The following VSX1 variants were observed in gnomAD, a reference collection of about 807,000 sequenced individuals.
The protein encoded by VSX1 is visual system homeobox 1, also known as homeodomain protein RINX.
Under a neutral mutation model 23.6 loss-of-function variants are expected in VSX1, and 23 were observed. The ratio of observed to expected loss-of-function variants is 0.97; its 90% confidence interval spans 0.70 to 1.38. VSX1 has a LOEUF of 1.38. Ranked by LOEUF, VSX1 falls within the 40% of genes most tolerant of loss-of-function variation. The pLI, the probability that VSX1 is intolerant of heterozygous loss-of-function variation, is 0.00. For missense variants in VSX1, 517 were observed against 495.4 expected (o/e 1.04, Z -0.41); for synonymous variants, 247 against 215.1 (o/e 1.15, Z -1.30).
At chr20:25,079,300 G>A in intron 2 of VSX1, 136 bp downstream of exon 2, 1 of 845,844 alleles carries the variant, frequency 1.2e-6, no homozygotes, top group Non-Finnish European at 1.8e-6. Context: ...AATGGCTTCT[G>A]TGCCCTTCCC....
At position 25,077,845 on chromosome 20, in the gene VSX1, C is replaced by T. The variant is rs1351478135; in HGVS notation, c.648G>A (p.Arg216=). 2.6e-6 allele frequency: 4 copies of T among 1,551,940 alleles called. No homozygotes were observed. The highest frequency in any genetic ancestry group is 3.5e-6 in the Non-Finnish European group (4 of 1,147,282). The change falls in exon 4 of 5, where the codon AGG becomes AGA. Residue 216 remains arginine (R), a synonymous_variant. Coordinates refer to ENST00000376709, the MANE Select transcript of VSX1 (RefSeq NM_014588.6). ...GCTTCTCCCGCTTGCGCCATTTGGC[C>T]CTGCGGTTTTGAAACCAGACCTGGT... ...DRIQVWFQNR[R]AKWRKREKRW... is the part of the protein sequence containing the mutation.
Position 25,076,044 on chromosome 20 carries a change from A to T in VSX1, c.*217T>A. The T allele has an allele frequency of 1.6e-6, 1 of 632,882 alleles. No homozygotes were observed. Among genetic ancestry groups the T allele is most frequent in the Non-Finnish European group, 2.7e-6 (1 of 370,228 alleles). The allele number at this position is 632,882 out of a possible 1,614,324, so 39.2% of individuals were successfully genotyped here. A position where few individuals can be genotyped will look rare whatever the true frequency, so the allele number is the denominator to read the frequency against. On this transcript the variant is annotated 3_prime_UTR_variant, in exon 5 of 5. Coordinates refer to ENST00000376709, the MANE Select transcript of VSX1 (RefSeq NM_014588.6). ...AAGTTTTGCACCAAGTTAACTGGTTAAAGTGCCATTAAGGAACCGTTTCCA... is the reference window on the plus strand; with the variant it reads ...AAGTTTTGCACCAAGTTAACTGGTTTAAGTGCCATTAAGGAACCGTTTCCA...
In VSX1 at chr20:25,081,789, AG is replaced by A; in HGVS notation, c.307del (p.Leu103Ter). ...GGGCGGCAGGAACGGCACGTCCGCTAGGAGCAGGCAGGGTGCTCGAGCGGCC... is the reference window on the plus strand; with the variant it reads ...GGGCGGCAGGAACGGCACGTCCGCTAGAGCAGGCAGGGTGCTCGAGCGGCC... Reference protein sequence around the residue: ...PAAARAPCLLLADVPFLPPRG... With the variant: ...PAAARAPCLLXADVPFLPPRG... On this transcript the variant is annotated frameshift_variant, in exon 1 of 5. Transcript: ENST00000376709. LOFTEE classifies it high-confidence loss of function. The A allele has an allele frequency of 6.7e-7, 1 of 1,500,162 alleles. No homozygotes were observed. The highest frequency in any genetic ancestry group is 8.8e-7 in the Non-Finnish European group (1 of 1,133,378). The allele number at this position is 1,500,162 out of a possible 1,614,324, so 92.9% of individuals were successfully genotyped here.
downstream of VSX1, among the ~76,000 whole-genome samples, chr20:25,073,918 C>T (rs900131768): frequency 6.6e-6 from 1 of 152,164 alleles, no homozygotes; most frequent in Non-Finnish European, 1.5e-5. Context: ...GAGAGAGCAG[C>T]CCAATGACAC....
At position 25,076,216 on chromosome 20, in the gene VSX1, A is replaced by C; in HGVS notation, c.*45T>G. The C allele has an allele frequency of 1.9e-6, 3 of 1,612,206 alleles. No individual in the cohort carries two copies. Among genetic ancestry groups the C allele is most frequent in the Non-Finnish European group, 2.5e-6 (3 of 1,179,536 alleles). On this transcript the variant is annotated 3_prime_UTR_variant, in exon 5 of 5. Transcript: ENST00000376709. ...TTTTGTCTTTTGGAAAATGCCAGTG[A>C]GGAATATGCACATTTTCAGCCTTTG...
chr20:25,080,745 T>C (rs1486267637), intron 1 of VSX1, among the ~76,000 whole-genome samples: 3 of 151,972 alleles, frequency 2.0e-5, no homozygotes, highest in Non-Finnish European at 4.4e-5. Flanking sequence ...TAATAGGGAG[T>C]TTCATTTTAT....
chr20:25,074,706 T>G (rs1328159516), downstream of VSX1, among the ~76,000 whole-genome samples: 2 of 152,172 alleles, frequency 1.3e-5, no homozygotes, highest in Non-Finnish European at 2.9e-5. Flanking sequence ...CTAAGTGTGA[T>G]GTATGTAAGT....
At chr20:25,075,233 T>C (rs1213241100), downstream of VSX1, among the ~76,000 whole-genome samples, 1 of 152,162 alleles carries the variant, frequency 6.6e-6, no homozygotes, top group East Asian at 1.9e-4. Context: ...GGAAGCACCA[T>C]ATTTTCCCAT....
In VSX1 at chr20:25,077,740, G is replaced by C; in HGVS notation, c.753C>G (p.Ser251=). Residue 251 remains serine (S), a synonymous_variant, in exon 4 of 5, where the codon TCC becomes TCG. Coordinates refer to ENST00000376709, the MANE Select transcript of VSX1 (RefSeq NM_014588.6). The part of the protein sequence containing the change: ...MVRHCIPLPD[S]VLNSAEGGLL... ...GGCCGCCCTCGGCGGAGTTGAGCAC[G>C]GAGTCTGGCAGCGGGATGCAGTGGC... The C allele has an allele frequency of 1.3e-6, 2 of 1,550,646 alleles. No individual in the cohort carries two copies. Among genetic ancestry groups the C allele is most frequent in the Non-Finnish European group, 8.7e-7 (1 of 1,146,934 alleles).
downstream of VSX1, chr20:25,072,611 A>C (rs949027699): frequency 2.1e-6 from 1 of 471,052 alleles, no homozygotes; most frequent in Non-Finnish European, 4.4e-6. Context: ...TAGCAGGTTC[A>C]CTTCATTTCT....
chr20:25,077,681 T>C lies in VSX1; in HGVS notation c.808+4A>G. ...GCCGTGCGATCCCGGGGGCCCTTCCTTACCCAGGAGCCAGGGCGCGCAGGA... is the reference window on the plus strand; with the variant it reads ...GCCGTGCGATCCCGGGGGCCCTTCCCTACCCAGGAGCCAGGGCGCGCAGGA... On this transcript the variant is annotated splice_donor_region_variant and intron_variant, in intron 4 of 4. Transcript: ENST00000376709. 2 of 1,547,022 alleles carry C rather than the reference T, an allele frequency of 1.3e-6. No individual in the cohort carries two copies. Among genetic ancestry groups the C allele is most frequent in the South Asian group, 1.2e-5 (1 of 83,992 alleles).
At chr20:25,077,913 G>A (rs1271528198) in intron 3 of VSX1, 48 bp from the exon 4 acceptor site, 1 of 1,547,676 alleles carries the variant, frequency 6.5e-7, no homozygotes, top group Non-Finnish European at 8.7e-7. Flanking sequence ...AGACAGTGAA[G>A]AGGGGCGCCT....
chr20:25,075,173 C>T (rs573933613), downstream of VSX1, among the ~76,000 whole-genome samples: 5 of 152,298 alleles, frequency 3.3e-5, no homozygotes, highest in East Asian at 9.6e-4. Context: ...CAGAGAAAGC[C>T]CTCACAATGA....
chr20:25,077,918 G>A (rs2089543716), intron 3 of VSX1, 53 bp from the exon 4 acceptor site: 5 of 1,544,146 alleles, frequency 3.2e-6, no homozygotes, highest in East Asian at 2.4e-5. Flanking sequence ...GTGAAGAGGG[G>A]CGCCTGGAGG....
chr20:25,082,132 TC>T lies in VSX1; in HGVS notation c.-37del. 6.5e-7 allele frequency: 1 copy of T among 1,536,140 alleles called. No homozygotes were observed. The highest frequency in any genetic ancestry group is 8.7e-7 in the Non-Finnish European group (1 of 1,147,060). On this transcript the variant is annotated 5_prime_UTR_variant, in exon 1 of 5. Transcript: ENST00000376709. ...CAAGCAAGGCGCGAGCCTCTCTGGA[TC>T]CCGTTTGCGGAGGGCCCAGCTTAGA...
At chr20:25,079,009 C>T (rs1242312924) in intron 2 of VSX1, 57 bp from the exon 3 acceptor site, 3 of 1,609,714 alleles carry the variant, frequency 1.9e-6, no homozygotes, top group South Asian at 2.2e-5. Flanking sequence ...CAGCAGCCTC[C>T]CTGGCCTTAA....
At chr20:25,078,142 T>A (rs1446507165) in intron 3 of VSX1, 1 of 539,028 alleles carries the variant, frequency 1.9e-6, no homozygotes, top group African/African-American at 2.0e-5. Flanking sequence ...GAGTCAGGAA[T>A]GAAAAAAACT....
chr20:25,079,703 AT>A (rs2089600164), intron 1 of VSX1, among the ~76,000 whole-genome samples, 189 bp from the exon 2 acceptor site: 1 of 151,316 alleles, frequency 6.6e-6, no homozygotes. Context: ...TATCTCAAGT[AT>A]TCTTAATATA....
chr20:25,081,364 A>G, intron 1 of VSX1: 4 of 654,714 alleles, frequency 6.1e-6, no homozygotes, highest in Non-Finnish European at 5.7e-6. Flanking sequence ...GGGGGGAAAA[A>G]TGGCCCTCTG....
Sources: allele counts gnomAD v4.1 joint callset (sites outside exome capture counted in the v4.1 genomes callset), GRCh38; gene constraint gnomAD v4.1.1; transcripts MANE v1.5; gene names NCBI Gene and HGNC (gene_info 2026-07-23, HGNC 2026-07-21).